Variants in INPP5A observed in about 807,000 individuals in gnomAD.
INPP5A encodes 43 kDa inositol polyphosphate 5-phophatase.
In INPP5A, 14 loss-of-function variants were observed where a neutral mutation model predicts 65.2. The ratio of observed to expected loss-of-function variants is 0.21; its 90% CI spans 0.14 to 0.34. INPP5A has a LOEUF of 0.34. INPP5A is among the 10% of genes least tolerant of loss of function. The probability of loss-of-function intolerance (pLI) is 1.00; values close to 1 mark genes in which losing one functional copy is unlikely to be tolerated. For missense variants in INPP5A, 431 were observed against 545.6 expected, an observed-to-expected ratio of 0.79 and a Z score of 2.09; for synonymous variants, 207 against 208.3, an observed-to-expected ratio of 0.99 and a Z score of 0.05.
In INPP5A at chr10:132,538,926, C is replaced by T. The variant is rs570685603; in HGVS notation, c.75+755C>T. On this transcript the variant is annotated intron_variant, in intron 1 of 15. Transcript: ENST00000368594. The surrounding 1 kb of genome is among the most constrained non-coding windows in gnomAD (Gnocchi z 4.1). The stretch of plus-strand genomic sequence containing the variant: ...CTGACTCTGAACCCTGAATTTCAAC[C>T]TCAGGCCCCAGCTTATGGCCCTGAA... Among the ~76,000 whole-genome samples the T allele has an allele frequency of 1.1e-4, 16 of 152,270 alleles. No individual in the cohort carries two copies. The South Asian group carries it at 3.3e-3, about 32-fold the overall frequency.
Position 132,759,556 on chromosome 10 carries a change from C to T in INPP5A, c.904-6217C>T, listed in dbSNP as rs1442176821. 3.3e-5 allele frequency among the ~76,000 whole-genome samples: 5 copies of T among 152,078 alleles called. 1 individual carries two copies. Among genetic ancestry groups the T allele is most frequent in the Non-Finnish European group, 7.4e-5 (5 of 67,990 alleles). On this transcript the variant is annotated intron_variant, in intron 11 of 15. Coordinates refer to ENST00000368594, the MANE Select transcript of INPP5A (RefSeq NM_005539.5). ...TGCTGTGGTAGCCGGAGGGGCCCAGCATCGGAAGTTCCAGTAGGTGGGGCT... is the reference window on the plus strand; with the variant it reads ...TGCTGTGGTAGCCGGAGGGGCCCAGTATCGGAAGTTCCAGTAGGTGGGGCT...
chr10:132,585,942 G>A (rs930681523), intron 1 of INPP5A, among the ~76,000 whole-genome samples: 8 of 152,252 alleles, frequency 5.3e-5, no homozygotes, highest in Admixed American at 3.9e-4. Flanking sequence ...TGCTGTGTGT[G>A]TCTGGGCTTC....
intron 2 of INPP5A, among the ~76,000 whole-genome samples, chr10:132,639,117 A>G (rs2072395787): frequency 6.6e-6 from 1 of 151,952 alleles, no homozygotes; most frequent in Non-Finnish European, 1.5e-5. Context: ...GATGCTTCCC[A>G]TTTTTCCTGC....
chr10:132,688,252 G>A (rs908967323), intron 4 of INPP5A, among the ~76,000 whole-genome samples: 3 of 152,224 alleles, frequency 2.0e-5, no homozygotes, highest in Non-Finnish European at 4.4e-5. Flanking sequence ...CCCTCACCAT[G>A]CACTGTGCCT....
intron 2 of INPP5A, among the ~76,000 whole-genome samples, chr10:132,619,406 C>A (rs896135614): frequency 3.3e-5 from 5 of 152,164 alleles, no homozygotes; most frequent in Non-Finnish European, 7.4e-5. Context: ...CCAGCTCTGC[C>A]CCTGTGGCTT....
At chr10:132,699,460 C>G (rs1292604458) in intron 6 of INPP5A, among the ~76,000 whole-genome samples, 2 of 152,150 alleles carry the variant, frequency 1.3e-5, no homozygotes, top group East Asian at 3.9e-4. Flanking sequence ...AGGCTGTTGA[C>G]CCGGCACCTC....
intron 1 of INPP5A, among the ~76,000 whole-genome samples, chr10:132,595,677 T>G (rs1335721928): frequency 6.6e-6 from 1 of 152,240 alleles, no homozygotes; most frequent in Non-Finnish European, 1.5e-5. Context: ...ATAAATTTGT[T>G]TTTGATTCCT....
At chr10:132,654,284 C>T (rs2072620749) in intron 4 of INPP5A, among the ~76,000 whole-genome samples, 1 of 152,252 alleles carries the variant, frequency 6.6e-6, no homozygotes, top group African/African-American at 2.4e-5. Context: ...TCTCCCACAG[C>T]CACGGCCCTG....
chr10:132,702,027 G>C lies in INPP5A; in HGVS notation c.474+4108G>C, dbSNP rs560591070. Among the ~76,000 whole-genome samples the C allele has an allele frequency of 2.4e-4, 37 of 152,366 alleles. No homozygotes were observed. The South Asian group carries it at 6.6e-3, about 27-fold the overall frequency. ...CATCCCACCCTAAACCCAAGGATGC[G>C]ACCGCACCTGCAGCCACGGGCCGTG... is the stretch of plus-strand genomic sequence containing the variant. On this transcript the variant is annotated intron_variant, in intron 6 of 15. Coordinates refer to ENST00000368594, the MANE Select transcript of INPP5A (RefSeq NM_005539.5).
At chr10:132,606,915 C>T (rs1314785984) in intron 1 of INPP5A, among the ~76,000 whole-genome samples, 1 of 152,204 alleles carries the variant, frequency 6.6e-6, no homozygotes, top group African/African-American at 2.4e-5. Context: ...AGTACATTCA[C>T]GTTGTTGCAC....
intron 1 of INPP5A, among the ~76,000 whole-genome samples, chr10:132,553,698 A>G (rs1409612907): frequency 9.1e-6 from 1 of 109,736 alleles, no homozygotes; most frequent in African/African-American, 3.7e-5. Context: ...CTTGGTGTGG[A>G]ATATTGAGTG....
chr10:132,601,999 T>A (rs2071782567), intron 1 of INPP5A, among the ~76,000 whole-genome samples: 1 of 152,208 alleles, frequency 6.6e-6, no homozygotes, highest in African/African-American at 2.4e-5. Context: ...TTTCTGTTTC[T>A]GCAAAAGAAA....
At chr10:132,612,933 A>G (rs1406067938) in intron 2 of INPP5A, among the ~76,000 whole-genome samples, 3 of 152,108 alleles carry the variant, frequency 2.0e-5, no homozygotes, top group African/African-American at 7.2e-5. Flanking sequence ...GAGCAGGGAC[A>G]GTTCCCGCGC....
rs531670645 is a variant in INPP5A at position 132,697,983 on chromosome 10, T to G, written c.474+64T>G. ...CAGAGTGAGCCAGTCAGAAGTGACA[T>G]GGAACACGGAATTTTCGCATTGCAC... is the stretch of plus-strand genomic sequence containing the variant. On this transcript the variant is annotated intron_variant, in intron 6 of 15. Coordinates refer to ENST00000368594, the MANE Select transcript of INPP5A (RefSeq NM_005539.5). This position sits in a 1 kb window ranked among gnomAD's most constrained non-coding sequence, Gnocchi z 5.6. The G allele has an allele frequency of 1.8e-6, 2 of 1,084,666 alleles. No homozygotes were observed. The highest frequency in any genetic ancestry group is 3.1e-5 in the African/African-American group (2 of 64,596). 67.2% of individuals were successfully genotyped at this position (1,084,666 alleles called of 1,614,324 possible).
At chr10:132,781,480 A>T (rs1424264523) in intron 14 of INPP5A, among the ~76,000 whole-genome samples, 1 of 152,226 alleles carries the variant, frequency 6.6e-6, no homozygotes, top group East Asian at 1.9e-4. Flanking sequence ...CCCCAAACAC[A>T]CCCGGATAAG....
chr10:132,719,779 G>A (rs55912012), intron 8 of INPP5A, among the ~76,000 whole-genome samples: 1,720 of 149,220 alleles, frequency 0.012, 25 homozygotes, highest in South Asian at 0.021. Context: ...TGCCTTAGAC[G>A]GCTGTCTTGT....
intron 5 of INPP5A, among the ~76,000 whole-genome samples, chr10:132,696,947 C>T (rs1845354039): frequency 6.6e-6 from 1 of 152,214 alleles, no homozygotes; most frequent in Non-Finnish European, 1.5e-5. Flanking sequence ...CCTCAGGTTG[C>T]CCCCTCTGTT....
At chr10:132,708,607 G>T (rs867996404) in intron 7 of INPP5A, 25 of 626,070 alleles carry the variant, frequency 4.0e-5, no homozygotes, top group Middle Eastern at 8.4e-4. Context: ...ACACAGTGAC[G>T]GCCCCAGTCC....
At chr10:132,574,559 C>G (rs1196547998) in intron 1 of INPP5A, among the ~76,000 whole-genome samples, 1 of 151,198 alleles carries the variant, frequency 6.6e-6, no homozygotes, top group Non-Finnish European at 1.5e-5. Context: ...CTGGGCCTCA[C>G]ACAGGGAGGG....
Sources: allele counts gnomAD v4.1 joint callset (sites outside exome capture counted in the v4.1 genomes callset), GRCh38; gene constraint gnomAD v4.1.1; non-coding constraint Gnocchi (gnomAD v3.1); transcripts MANE v1.5; gene names NCBI Gene and HGNC (gene_info 2026-07-23, HGNC 2026-07-21).